The following DNMT3A variants were observed in gnomAD, a reference collection of about 807,000 sequenced individuals.
DNMT3A encodes the protein DNA methyltransferase 3 alpha.
A neutral mutation model predicts 117.6 loss-of-function variants in DNMT3A; 267 were observed. The observed-to-expected ratio is 2.27, with a 90% confidence interval of 2.05 to 2.51. The LOEUF (loss-of-function observed/expected upper bound fraction) is 2.51, where lower values mean the gene tolerates loss of function less well. Ranked by LOEUF, DNMT3A falls within the 30% of genes most tolerant of loss-of-function variation. The pLI, the probability that DNMT3A is intolerant of heterozygous loss-of-function variation, is 0.00. For missense variants in DNMT3A, 1,029 were observed against 1,260.2 expected (o/e 0.82, Z 2.78); for synonymous variants, 432 against 474.8 (o/e 0.91, Z 1.17).
chr2:25,247,062 C>T lies in DNMT3A; in HGVS notation c.1111G>A (p.Glu371Lys), dbSNP rs1290621612. 6.2e-7 allele frequency: 1 copy of T among 1,614,028 alleles called. No homozygotes were observed. Among genetic ancestry groups the T allele is most frequent in the East Asian group, 2.2e-5 (1 of 44,878 alleles). ...KQPMYRKAIYEVLQVASSRAG... is the reference protein window; with the variant it reads ...KQPMYRKAIYKVLQVASSRAG... ...GCAGGGACACTCACCTGCAGGACCT[C>T]GTAGATGGCTTTGCGGTACATGGGC... The change falls in exon 9 of 23, where the codon GAG becomes AAG. Residue 371 changes from glutamate (E) to lysine (K), a missense_variant. Glu to Lys is a moderately conservative substitution (Grantham distance 56). Transcript: ENST00000321117. This position sits in a 1 kb window ranked among gnomAD's most constrained non-coding sequence, Gnocchi z 5.6.
chr2:25,284,114 C>T (rs1430212757), intron 3 of DNMT3A, among the ~76,000 whole-genome samples: 1 of 152,194 alleles, frequency 6.6e-6, no homozygotes, highest in African/African-American at 2.4e-5. Flanking sequence ...TCTGCCACAC[C>T]CACAGGCACC....
intron 6 of DNMT3A, among the ~76,000 whole-genome samples, chr2:25,264,709 G>A (rs1364858584): frequency 6.6e-6 from 1 of 152,048 alleles, no homozygotes; most frequent in East Asian, 1.9e-4. Flanking sequence ...TGATACGCCT[G>A]CCTTCGCCTC....
In DNMT3A at chr2:25,230,804, G is replaced by A. The variant is rs1483175063; in HGVS notation, c.*3475C>T. On this transcript the variant is annotated 3_prime_UTR_variant, in exon 23 of 23. Coordinates refer to ENST00000321117, the MANE Select transcript of DNMT3A (RefSeq NM_022552.5). ...TCGTCCCTGCAAGGGGGGGGGGGGGGGGGCCATGACCCCTGGGGCATCTGG... is the reference window on the plus strand; with the variant it reads ...TCGTCCCTGCAAGGGGGGGGGGGGGAGGGCCATGACCCCTGGGGCATCTGG... The A allele has an allele frequency of 2.9e-5, 4 of 139,396 alleles. No individual in the cohort carries two copies. Among genetic ancestry groups the A allele is most frequent in the African/African-American group, 8.0e-5 (3 of 37,614 alleles). The allele number at this position is 139,396 out of a possible 1,614,324, so 8.6% of individuals were successfully genotyped here.
chr2:25,340,051 C>T (rs1011416125), intron 1 of DNMT3A, among the ~76,000 whole-genome samples: 3 of 152,226 alleles, frequency 2.0e-5, no homozygotes, highest in South Asian at 2.1e-4. Context: ...AGTTGGGTCA[C>T]AGGGCGGACA....
intron 1 of DNMT3A, chr2:25,314,429 C>T: frequency 1.0e-6 from 1 of 985,348 alleles, no homozygotes; most frequent in Non-Finnish European, 1.2e-6. Context: ...CTCCAGCTGC[C>T]TCCGCCTCCT....
intron 2 of DNMT3A, among the ~76,000 whole-genome samples, chr2:25,302,268 C>T (rs1415878213): frequency 6.6e-6 from 1 of 152,036 alleles, no homozygotes; most frequent in Non-Finnish European, 1.5e-5. Context: ...GGGCTGCCAA[C>T]ACTGGAGACC....
intron 19 of DNMT3A, 126 bp from the exon 20 acceptor site, chr2:25,239,341 CT>C (rs1387778955): frequency 1.3e-6 from 1 of 791,832 alleles, no homozygotes; most frequent in Non-Finnish European, 2.2e-6. Context: ...ACACACTGGG[CT>C]AGCCTGCAGC....
chr2:25,240,387 C>G lies in DNMT3A; in HGVS notation c.2237G>C (p.Gly746Ala). ...GAGCCAGAAGAAGGGGCGATCATCT[C>G]CCTCCTTGGGCCGCGCATCATGCAG... is the stretch of plus-strand genomic sequence containing the variant. ...RLLHDARPKE[G>A]DDRPFFWLFE... Residue 746 changes from glycine to alanine, a missense_variant, in exon 19 of 23, where the codon GGA becomes GCA. Gly to Ala is a moderately conservative substitution (Grantham distance 60). Transcript: ENST00000321117. The G allele has an allele frequency of 6.2e-7, 1 of 1,614,094 alleles. No individual in the cohort carries two copies. Among genetic ancestry groups the G allele is most frequent in the Non-Finnish European group, 8.5e-7 (1 of 1,179,974 alleles).
intron 6 of DNMT3A, among the ~76,000 whole-genome samples, chr2:25,264,602 G>A (rs2030104183): frequency 6.6e-6 from 1 of 151,640 alleles, no homozygotes; most frequent in African/African-American, 2.4e-5. Context: ...CGAGTAGCTG[G>A]GAGGTGCCTG....
rs551219312 is a variant in DNMT3A, at chr2:25,339,885, G to A, written c.-178+1941C>T. On this transcript the variant is annotated intron_variant, in intron 1 of 22. Coordinates refer to ENST00000321117, the MANE Select transcript of DNMT3A (RefSeq NM_022552.5). This position sits in a 1 kb window ranked among gnomAD's most constrained non-coding sequence, Gnocchi z 4.9. The stretch of plus-strand genomic sequence containing the variant: ...AGCTGTCACATCTGCCCGCGAGGGA[G>A]GAGGCGACACTGGAGCAGCACCTGA... Among the ~76,000 whole-genome samples the A allele has an allele frequency of 1.3e-5, 2 of 152,362 alleles. No homozygotes were observed. Among genetic ancestry groups the A allele is most frequent in the East Asian group, 1.9e-4 (1 of 5,194 alleles).
At chr2:25,244,760 G>T in intron 13 of DNMT3A, 108 bp from the exon 14 acceptor site, 2 of 906,082 alleles carry the variant, frequency 2.2e-6, no homozygotes, top group South Asian at 1.5e-5. Flanking sequence ...CTGAAGACAT[G>T]ACCCCGCCAC....
intron 6 of DNMT3A, among the ~76,000 whole-genome samples, chr2:25,266,260 C>T (rs1420296261): frequency 6.6e-6 from 1 of 152,218 alleles, no homozygotes; most frequent in Non-Finnish European, 1.5e-5. Context: ...CAAACATCAT[C>T]ATCTCCTTCA....
At chr2:25,313,852 C>A (rs1160794670) in intron 2 of DNMT3A, 61 bp downstream of exon 2, 6 of 1,548,064 alleles carry the variant, frequency 3.9e-6, no homozygotes, top group Non-Finnish European at 4.4e-6. Flanking sequence ...GCTGTCATCA[C>A]ATAGGGACAG....
chr2:25,308,990 C>A (rs1458016587), intron 2 of DNMT3A, among the ~76,000 whole-genome samples: 1 of 152,006 alleles, frequency 6.6e-6, no homozygotes, highest in Non-Finnish European at 1.5e-5. Flanking sequence ...CACACACACA[C>A]ACACACACAC....
intron 3 of DNMT3A, among the ~76,000 whole-genome samples, chr2:25,288,220 G>A (rs1387903154): frequency 6.7e-6 from 1 of 149,636 alleles, no homozygotes; most frequent in Non-Finnish European, 1.5e-5. Flanking sequence ...GGATCATGAG[G>A]TCAGCAGATT....
rs976303606 is a variant in DNMT3A at position 25,306,992 on chromosome 2, T to A, written c.73-6749A>T. ...TGCTTAATAGAGGGGAAGATCCAGA[T>A]AAAACTACTTTGTAGCCGTGTGGCC... is the stretch of plus-strand genomic sequence containing the variant. On this transcript the variant is annotated intron_variant, in intron 2 of 22. Coordinates refer to ENST00000321117, the MANE Select transcript of DNMT3A (RefSeq NM_022552.5). The surrounding 1 kb of genome is among the most constrained non-coding windows in gnomAD (Gnocchi z 4.1). Among the ~76,000 whole-genome samples, 3 of 140,350 alleles carry A rather than the reference T, an allele frequency of 2.1e-5. No individual in the cohort carries two copies. The highest frequency in any genetic ancestry group is 7.9e-5 in the African/African-American group (3 of 38,048). 92.1% of individuals were successfully genotyped at this position (140,350 alleles called of 152,430 possible).
chr2:25,321,912 GA>G (rs1459549086), intron 1 of DNMT3A, among the ~76,000 whole-genome samples: 1 of 151,942 alleles, frequency 6.6e-6, no homozygotes, highest in Non-Finnish European at 1.5e-5. Context: ...ACAATTTTTT[GA>G]AAAAATATAA....
In DNMT3A at chr2:25,248,163, G is replaced by A. The variant is rs777100141; in HGVS notation, c.729C>T (p.Ser243=). ...CAGTGGGCTGCTGCACAGCAGGAGG[G>A]CTGGCCTCCTCCACCTTCTGAGACT... ...PGESQKVEEA[S]PPAVQQPTDP... is the part of the protein sequence containing the mutation. The change falls in exon 7 of 23, where the codon AGC becomes AGT. Residue 243 remains serine, a synonymous_variant. Transcript: ENST00000321117. 1 of 1,613,846 alleles carries A rather than the reference G, an allele frequency of 6.2e-7. No homozygotes were observed. The highest frequency in any genetic ancestry group is 8.5e-7 in the Non-Finnish European group (1 of 1,179,936).
At chr2:25,313,482 C>T (rs1364985570) in intron 2 of DNMT3A, among the ~76,000 whole-genome samples, 1 of 152,174 alleles carries the variant, frequency 6.6e-6, no homozygotes, top group African/African-American at 2.4e-5. Flanking sequence ...TGCCCCACCC[C>T]AGAACTTGTC....
Sources: allele counts gnomAD v4.1 joint callset (sites outside exome capture counted in the v4.1 genomes callset), GRCh38; gene constraint gnomAD v4.1.1; non-coding constraint Gnocchi (gnomAD v3.1); transcripts MANE v1.5; gene names NCBI Gene and HGNC (gene_info 2026-07-23, HGNC 2026-07-21).